RB1CC1: variants seen among roughly 807,000 people sequenced by gnomAD.
RB1CC1 encodes RB1 inducible coiled-coil 1.
Under a neutral mutation model 177.5 loss-of-function variants are expected in RB1CC1, and 46 were observed. The ratio of observed to expected loss-of-function variants is 0.26; its 90% CI spans 0.20 to 0.33. RB1CC1 has a LOEUF of 0.33. Among genes scored for constraint, RB1CC1 ranks in the 10% least tolerant of loss-of-function variants. The pLI, the probability that RB1CC1 is intolerant of heterozygous loss-of-function variation, is 1.00. For missense variants in RB1CC1, 1,703 were observed against 1,816.3 expected, an observed-to-expected ratio of 0.94 and a Z score of 1.13; for synonymous variants, 666 against 613.6, an observed-to-expected ratio of 1.09 and a Z score of -1.26.
intron 6 of RB1CC1, 66 bp downstream of exon 6, chr8:52,676,302 AT>A: frequency 6.9e-7 from 1 of 1,445,514 alleles, no homozygotes; most frequent in South Asian, 1.2e-5. Flanking sequence ...ATTTGCAGTA[AT>A]TAAACCTACT....
Position 52,714,408 on chromosome 8 carries a change from C to CGCGGCTTGGTTTGTTATTGTCGACT in RB1CC1, c.-525_-501dup, listed in dbSNP as rs1563492107. The CGCGGCTTGGTTTGTTATTGTCGACT allele has an allele frequency of 6.6e-6, 1 of 152,490 alleles. No homozygotes were observed. The highest frequency in any genetic ancestry group is 2.4e-5 in the African/African-American group (1 of 41,462). 9.4% of individuals were successfully genotyped at this position (152,490 alleles called of 1,614,324 possible). On this transcript the variant is annotated 5_prime_UTR_variant, in exon 1 of 24. Transcript: ENST00000025008. ...GGCTCGGCAGGGCCGCGGACACCGCCGCGGCTTGGTTTGTTATTGTCGACT... is the reference window on the plus strand; with the variant it reads ...GGCTCGGCAGGGCCGCGGACACCGCCGCGGCTTGGTTTGTTATTGTCGACTGCGGCTTGGTTTGTTATTGTCGACT...
intron 19 of RB1CC1, among the ~76,000 whole-genome samples, chr8:52,635,699 C>G (rs1017512342): frequency 1.3e-5 from 2 of 151,974 alleles, no homozygotes; most frequent in African/African-American, 4.8e-5. Flanking sequence ...TGTTATTTTG[C>G]TGAATTCTCA....
In RB1CC1 at chr8:52,647,356, A is replaced by T. The variant is rs185598153; in HGVS notation, c.3822-1489T>A. ...GAATCCCCTATTTCATAATATAGTT[A>T]ATTAAAGGAAGGAATATATATTCCA... On this transcript the variant is annotated intron_variant, in intron 15 of 23. Coordinates refer to ENST00000025008, the MANE Select transcript of RB1CC1 (RefSeq NM_014781.5). 5.4e-3 allele frequency among the ~76,000 whole-genome samples: 828 copies of T among 152,282 alleles called. 7 individuals are homozygous for T. The highest frequency in any genetic ancestry group is 0.019 in the African/African-American group (797 of 41,572).
At chr8:52,694,034 T>C (rs149797923) in intron 1 of RB1CC1, among the ~76,000 whole-genome samples, 3 of 152,282 alleles carry the variant, frequency 2.0e-5, no homozygotes, top group African/African-American at 2.4e-5. Flanking sequence ...GAAATGTGCA[T>C]ACTGAACACT....
chr8:52,631,526 T>C (rs1848755998), intron 20 of RB1CC1, among the ~76,000 whole-genome samples: 1 of 152,186 alleles, frequency 6.6e-6, no homozygotes, highest in Non-Finnish European at 1.5e-5. Flanking sequence ...CAGGTCTCTT[T>C]CAAAAATGTT....
At position 52,702,454 on chromosome 8, in the gene RB1CC1, T is replaced by A. The variant is rs150156311; in HGVS notation, c.-167+11621A>T. On this transcript the variant is annotated intron_variant, in intron 1 of 23. Coordinates refer to ENST00000025008, the MANE Select transcript of RB1CC1 (RefSeq NM_014781.5). ...AAAACAGGCCAGGCACAGTGGTTCATGCCTGTAATTCCAGCACTTTGGGAG... is the reference window on the plus strand; with the variant it reads ...AAAACAGGCCAGGCACAGTGGTTCAAGCCTGTAATTCCAGCACTTTGGGAG... Among the ~76,000 whole-genome samples, 1,447 of 152,262 alleles carry A rather than the reference T, an allele frequency of 9.5e-3. 11 individuals are homozygous for A. Among genetic ancestry groups the A allele is most frequent in the Non-Finnish European group, 0.016 (1,115 of 68,010 alleles).
chr8:52,638,152 G>A (rs1169767377), intron 18 of RB1CC1, among the ~76,000 whole-genome samples: 1 of 152,206 alleles, frequency 6.6e-6, no homozygotes, highest in South Asian at 2.1e-4. Context: ...ATAGGTTGAG[G>A]AAGTCAATTC....
At chr8:52,649,178 A>C (rs16918050) in intron 15 of RB1CC1, among the ~76,000 whole-genome samples, 4,429 of 152,308 alleles carry the variant, frequency 0.029, 244 homozygotes, top group African/African-American at 0.1. Flanking sequence ...CTACCACAGA[A>C]ACCTAAGAAA....
chr8:52,685,393 A>T lies in RB1CC1; in HGVS notation c.71+6T>A. Reference sequence around the variant, plus strand: ...GCGAAAAAAAAATAAATGAAATACAACTCACGTTTGCACTGTAAGTTCAGT... The same window carrying T: ...GCGAAAAAAAAATAAATGAAATACATCTCACGTTTGCACTGTAAGTTCAGT... On this transcript the variant is annotated splice_donor_region_variant and intron_variant, in intron 3 of 23. Coordinates refer to ENST00000025008, the MANE Select transcript of RB1CC1 (RefSeq NM_014781.5). 6.3e-7 allele frequency: 1 copy of T among 1,575,448 alleles called. No individual in the cohort carries two copies. Among genetic ancestry groups the T allele is most frequent in the Non-Finnish European group, 8.7e-7 (1 of 1,151,694 alleles).
chr8:52,678,761 T>C (rs563128677), intron 5 of RB1CC1, among the ~76,000 whole-genome samples: 1 of 152,348 alleles, frequency 6.6e-6, no homozygotes, highest in Non-Finnish European at 1.5e-5. Flanking sequence ...AAGTTTACTT[T>C]CTGGAAGTAC....
Position 52,655,994 on chromosome 8 carries a change from A to T in RB1CC1, c.3821+14T>A. On this transcript the variant is annotated intron_variant, in intron 15 of 23. Transcript: ENST00000025008. Reference sequence around the variant, plus strand: ...ATTTTAATTTTATAATTACAGACTAAACTTAATTCTTACCTTTTTGCTATT... The same window carrying T: ...ATTTTAATTTTATAATTACAGACTATACTTAATTCTTACCTTTTTGCTATT... The T allele has an allele frequency of 6.4e-7, 1 of 1,553,742 alleles. No individual in the cohort carries two copies. Among genetic ancestry groups the T allele is most frequent in the South Asian group, 1.2e-5 (1 of 86,710 alleles).
chr8:52,683,474 C>A (rs1853955382), intron 5 of RB1CC1, 75 bp downstream of exon 5: 3 of 1,262,038 alleles, frequency 2.4e-6, no homozygotes, highest in Non-Finnish European at 3.1e-6. Context: ...ACTTCCTATG[C>A]AATTTAGACT....
intron 13 of RB1CC1, 151 bp from the exon 14 acceptor site, chr8:52,658,275 A>T (rs1590996281): frequency 1.9e-6 from 2 of 1,027,712 alleles, no homozygotes; most frequent in East Asian, 5.3e-5. Context: ...TTTGTGTCAT[A>T]ATCAGTAAAG....
chr8:52,643,760 A>G (rs1025260281), intron 16 of RB1CC1, among the ~76,000 whole-genome samples: 3 of 151,892 alleles, frequency 2.0e-5, no homozygotes, highest in Admixed American at 1.3e-4. Flanking sequence ...ATGTAAAAGC[A>G]ATAGATGAAT....
At chr8:52,651,378 T>G (rs1265961871) in intron 15 of RB1CC1, among the ~76,000 whole-genome samples, 1 of 152,260 alleles carries the variant, frequency 6.6e-6, no homozygotes, top group East Asian at 1.9e-4. Context: ...CACTGCTGTC[T>G]TGCTAAAATG....
rs142324340 is a variant in RB1CC1, at chr8:52,642,368, T to A, written c.4320A>T (p.Thr1440=). Residue 1440 remains threonine (T), a synonymous_variant, in exon 18 of 24, where the codon ACA becomes ACT. Coordinates refer to ENST00000025008, the MANE Select transcript of RB1CC1 (RefSeq NM_014781.5). ...ATACTTACTGTACAGACATCATGCTTGTCTCCATTGCTGAATCCACTCTTC... is the reference window on the plus strand; with the variant it reads ...ATACTTACTGTACAGACATCATGCTAGTCTCCATTGCTGAATCCACTCTTC... ...DEGRVDSAME[T]SMMSVQENIH... 4 of 1,613,806 alleles carry A rather than the reference T, an allele frequency of 2.5e-6. No homozygotes were observed. Among genetic ancestry groups the A allele is most frequent in the Non-Finnish European group, 8.5e-7 (1 of 1,179,842 alleles).
intron 1 of RB1CC1, among the ~76,000 whole-genome samples, chr8:52,694,215 A>G (rs56103407): frequency 0.72 from 109,823 of 152,078 alleles, 40,106 homozygotes; most frequent in East Asian, 0.84. Context: ...CAACTGCAGG[A>G]CAGTGAGGAG....
intron 18 of RB1CC1, among the ~76,000 whole-genome samples, chr8:52,638,644 T>C (rs555486431): frequency 6.6e-6 from 1 of 152,250 alleles, no homozygotes; most frequent in Non-Finnish European, 1.5e-5. Context: ...TAATATTGAT[T>C]ATTGTTTTCC....
At position 52,645,731 on chromosome 8, in the gene RB1CC1, C is replaced by A; in HGVS notation, c.3958G>T (p.Val1320Phe). Residue 1320 changes from valine (V) to phenylalanine (F), a missense_variant, in exon 16 of 24, where the codon GTT becomes TTT. Val to Phe is a conservative substitution (Grantham distance 50). Coordinates refer to ENST00000025008, the MANE Select transcript of RB1CC1 (RefSeq NM_014781.5). ...EKRKNEEMQNVRTSLIAEQQT... is the reference protein window; with the variant it reads ...EKRKNEEMQNFRTSLIAEQQT... ...TGTTCCGCAATCAAAGATGTTCGAA[C>A]ATTTTGCATTTCTTCATTCTTTCTT... The A allele has an allele frequency of 6.2e-7, 1 of 1,612,762 alleles. No individual in the cohort carries two copies. The highest frequency in any genetic ancestry group is 2.2e-5 in the East Asian group (1 of 44,702).
Sources: gnomAD v4.1 joint callset for allele counts (sites outside exome capture counted in the v4.1 genomes callset) on GRCh38, gnomAD v4.1.1 for gene constraint, MANE v1.5 for transcripts, NCBI Gene and HGNC (gene_info 2026-07-23, HGNC 2026-07-21) for gene names.